SYNE2: variants seen among roughly 807,000 people sequenced by gnomAD.
SYNE2 encodes the protein spectrin repeat containing nuclear envelope protein 2.
SYNE2 carries 431 observed loss-of-function variants against 856.3 expected under a neutral mutation model. The observed-to-expected ratio is 0.50, with a 90% confidence interval of 0.47 to 0.55. The LOEUF is 0.55. Ranked by LOEUF, SYNE2 falls within the 20% of genes least tolerant of loss-of-function variation. The probability of loss-of-function intolerance (pLI) is 0.00; values close to 1 mark genes in which losing one functional copy is unlikely to be tolerated. For missense variants in SYNE2, 8,129 were observed against 8,023.2 expected, an observed-to-expected ratio of 1.01 and a Z score of -0.50; for synonymous variants, 2,923 against 2,872.3, an observed-to-expected ratio of 1.02 and a Z score of -0.56.
intron 99 of SYNE2, chr14:64,191,012 C>T: frequency 1.4e-6 from 1 of 702,278 alleles, no homozygotes; most frequent in Non-Finnish European, 2.6e-6. Flanking sequence ...TTCCACTGGC[C>T]ACACGGGTCC....
chr14:64,047,957 G>A (rs1216199082), intron 45 of SYNE2, 43 bp from the exon 46 acceptor site: 10 of 1,596,376 alleles, frequency 6.3e-6, no homozygotes, highest in East Asian at 2.2e-5. Flanking sequence ...GGATTTATTT[G>A]GAAAGTAGAC....
intron 87 of SYNE2, among the ~76,000 whole-genome samples, chr14:64,161,440 C>A (rs889702582): frequency 5.9e-5 from 9 of 151,422 alleles, no homozygotes; most frequent in African/African-American, 2.2e-4. Flanking sequence ...ATGTAAGGAA[C>A]ATTTGTGTAA....
At chr14:63,970,463 G>A (rs898544459) in intron 11 of SYNE2, among the ~76,000 whole-genome samples, 3 of 152,116 alleles carry the variant, frequency 2.0e-5, no homozygotes, top group African/African-American at 7.2e-5. Flanking sequence ...CTCCCAAAGT[G>A]TTGGGATTAC....
Position 64,025,311 on chromosome 14 carries a change from G to A in SYNE2, c.6142G>A (p.Asp2048Asn). ...ACCCACAGAGGACCAGAGCTTTAAT[G>A]ATCTTGCACATGATGTAATTCATTG... ...LLPTEDQSFNDLAHDVIHWIK... is the reference protein window; with the variant it reads ...LLPTEDQSFNNLAHDVIHWIK... Residue 2048 changes from aspartate (D) to asparagine (N), a missense_variant, in exon 41 of 116, where the codon GAT (aspartate) becomes AAT (asparagine). Physicochemically the swap from Asp to Asn is conservative, Grantham distance 23. Around this residue, in one of 3 missense-constraint regions of SYNE2, gnomAD observed 2,422 missense variants for 2,357.4 expected, o/e 1.03. Transcript: ENST00000555002. 6.2e-7 allele frequency: 1 copy of A among 1,614,098 alleles called. No individual in the cohort carries two copies. Among genetic ancestry groups the A allele is most frequent in the East Asian group, 2.2e-5 (1 of 44,866 alleles).
chr14:63,932,088 A>G (rs545369313), intron 2 of SYNE2, among the ~76,000 whole-genome samples: 1 of 152,268 alleles, frequency 6.6e-6, no homozygotes, highest in Non-Finnish European at 1.5e-5. Context: ...AAGAAAGGGG[A>G]TTTTGGGGCC....
At chr14:64,202,066 G>A (rs897502318) in intron 99 of SYNE2, 5 of 649,586 alleles carry the variant, frequency 7.7e-6, no homozygotes, top group Non-Finnish European at 1.4e-5. Flanking sequence ...CATGCCATGC[G>A]TGTGCTTTCA....
intron 6 of SYNE2, 42 bp downstream of exon 6, chr14:63,942,185 C>T: frequency 1.7e-6 from 2 of 1,208,568 alleles, no homozygotes; most frequent in Non-Finnish European, 2.4e-6. Context: ...TACCCTACCA[C>T]AGTATAAAAT....
intron 38 of SYNE2, 177 bp downstream of exon 38, chr14:64,023,040 G>C (rs1342923975): frequency 3.4e-6 from 2 of 589,020 alleles, no homozygotes; most frequent in African/African-American, 1.9e-5. Flanking sequence ...ACCAGCCTGG[G>C]TCTCGAACTT....
At chr14:63,983,599 A>G in intron 17 of SYNE2, 138 bp from the exon 18 acceptor site, 1 of 729,676 alleles carries the variant, frequency 1.4e-6, no homozygotes, top group Non-Finnish European at 2.3e-6. Context: ...TTTATGTGAA[A>G]TGCTCATATT....
intron 65 of SYNE2, chr14:64,112,974 A>C (rs2097823634): frequency 3.1e-6 from 3 of 982,818 alleles, no homozygotes; most frequent in South Asian, 9.4e-5. Context: ...AGCATTGCTT[A>C]ATCATGTGTC....
At chr14:64,089,877 T>C (rs2097594482) in intron 59 of SYNE2, among the ~76,000 whole-genome samples, 181 bp downstream of exon 59, 1 of 152,252 alleles carries the variant, frequency 6.6e-6, no homozygotes, top group Non-Finnish European at 1.5e-5. Flanking sequence ...GTACCACCTA[T>C]GTAAAGATAA....
At chr14:63,819,820 G>GC (rs141384342) in intron 1 of SYNE2, among the ~76,000 whole-genome samples, 152,242 of 152,246 alleles carry the variant, frequency 1, 76,119 homozygotes, top group Non-Finnish European at 1. Flanking sequence ...ACAGGCGTGA[G>GC]CACCGCATCC....
chr14:64,126,363 A>G lies in SYNE2; in HGVS notation c.13591A>G (p.Lys4531Glu). ...MTEEAYINLDKKLFELFLTLS... is the reference protein window; with the variant it reads ...MTEEAYINLDEKLFELFLTLS... ...AGAAGAAGCATATATCAATTTGGAT[A>G]AAAAATTGTTTGAACTATTCCTGAC... Residue 4531 changes from lysine to glutamate, a missense_variant, in exon 72 of 116, where the codon AAA becomes GAA. This residue lies in a region of SYNE2 where 5,410 missense variants were observed against 5,284.8 expected (regional missense o/e 1.02). Transcript: ENST00000555002. 2 of 1,614,052 alleles carry G rather than the reference A, an allele frequency of 1.2e-6. No homozygotes were observed. Among genetic ancestry groups the G allele is most frequent in the Non-Finnish European group, 1.7e-6 (2 of 1,179,866 alleles).
intron 99 of SYNE2, chr14:64,190,599 C>T (rs1021344552): frequency 1.6e-5 from 11 of 702,070 alleles, no homozygotes; most frequent in East Asian, 2.7e-5. Flanking sequence ...GCTCCTGCCT[C>T]AGTATGGCAG....
intron 96 of SYNE2, among the ~76,000 whole-genome samples, chr14:64,181,749 A>C (rs1405767705): frequency 6.6e-6 from 1 of 152,198 alleles, no homozygotes; most frequent in Non-Finnish European, 1.5e-5. Flanking sequence ...GAAAAAGATA[A>C]AAGATAAAAA....
chr14:63,974,892 GTATATATATATATATATATA>G (rs145247655), intron 11 of SYNE2, among the ~76,000 whole-genome samples: 18,776 of 67,576 alleles, frequency 0.28, 2,385 homozygotes, highest in East Asian at 0.42. Flanking sequence ...GTGTGTGTGT[GTATATATATATATATATATA>G]TATATGTATC....
chr14:64,216,153 G>A (rs2098665359), intron 107 of SYNE2, 95 bp from the exon 108 acceptor site: 2 of 1,598,134 alleles, frequency 1.3e-6, no homozygotes, highest in African/African-American at 1.3e-5. Flanking sequence ...AAGGAAAGCT[G>A]CAGAACTCAT....
chr14:63,819,521 A>G (rs971380031), intron 1 of SYNE2, among the ~76,000 whole-genome samples: 2 of 149,080 alleles, frequency 1.3e-5, no homozygotes, highest in African/African-American at 5.0e-5. Context: ...GTGAGCCACC[A>G]TGCCTGGCCA....
intron 66 of SYNE2, among the ~76,000 whole-genome samples, chr14:64,118,545 C>A (rs1486643354): frequency 6.6e-6 from 1 of 152,032 alleles, no homozygotes; most frequent in Non-Finnish European, 1.5e-5. Flanking sequence ...ATTCCTACTC[C>A]ACACTTGGAT....
Sources: gnomAD v4.1 joint callset for allele counts (sites outside exome capture counted in the v4.1 genomes callset) on GRCh38, gnomAD v4.1.1 for gene constraint, gnomAD v4.1.1 regional missense constraint, MANE v1.5 for transcripts, NCBI Gene and HGNC (gene_info 2026-07-23, HGNC 2026-07-21) for gene names.